Variants in ADAM23 observed in about 807,000 individuals in gnomAD.
The protein encoded by ADAM23 is disintegrin and metalloproteinase domain-containing protein 23.
In ADAM23, 33 loss-of-function variants were observed where a neutral mutation model predicts 120.1. The observed-to-expected ratio is 0.27, with a 90% CI of 0.21 to 0.37. The LOEUF (loss-of-function observed/expected upper bound fraction) is 0.37. ADAM23 is among the 10% of genes least tolerant of loss of function. The pLI is 1.00. For synonymous variants in ADAM23, 367 were observed against 375.2 expected (o/e 0.98, Z 0.25); for missense variants, 862 against 1,058.2 (o/e 0.81, Z 2.57).
intron 24 of ADAM23, among the ~76,000 whole-genome samples, chr2:206,600,886 A>AT (rs1019668369): frequency 5.3e-5 from 8 of 152,098 alleles, no homozygotes; most frequent in Admixed American, 3.9e-4. Flanking sequence ...CACATTATTT[A>AT]TTTTTTCTAC....
intron 2 of ADAM23, among the ~76,000 whole-genome samples, chr2:206,466,940 C>T (rs1033452066): frequency 3.3e-5 from 5 of 152,046 alleles, no homozygotes; most frequent in African/African-American, 9.7e-5. Flanking sequence ...GGAGTAGGAC[C>T]GAGATGGGGG....
chr2:206,459,394 A>G (rs576936944), intron 2 of ADAM23, among the ~76,000 whole-genome samples: 1 of 152,322 alleles, frequency 6.6e-6, no homozygotes, highest in African/African-American at 2.4e-5. Flanking sequence ...TTTAAGACCT[A>G]CTAATGCATT....
At chr2:206,540,875 T>C (rs1440734312) in intron 4 of ADAM23, among the ~76,000 whole-genome samples, 1 of 151,470 alleles carries the variant, frequency 6.6e-6, no homozygotes, top group Non-Finnish European at 1.5e-5. Context: ...AAAAAATGGA[T>C]AGGAGAGAAT....
intron 18 of ADAM23, among the ~76,000 whole-genome samples, chr2:206,575,066 G>A (rs1698085455): frequency 6.6e-6 from 1 of 152,096 alleles, no homozygotes; most frequent in Non-Finnish European, 1.5e-5. Flanking sequence ...AAAGAGTATA[G>A]GGTAGGATGT....
chr2:206,566,105 T>C (rs1697872522), intron 14 of ADAM23, among the ~76,000 whole-genome samples: 1 of 151,570 alleles, frequency 6.6e-6, no homozygotes, highest in Non-Finnish European at 1.5e-5. Flanking sequence ...CCTATAATAT[T>C]GGTTCTATAG....
chr2:206,560,098 T>C lies in ADAM23; in HGVS notation c.1149T>C (p.Ala383=), dbSNP rs1247478073. 1 of 1,614,002 alleles carries C rather than the reference T, an allele frequency of 6.2e-7. No individual in the cohort carries two copies. The highest frequency in any genetic ancestry group is 8.5e-7 in the Non-Finnish European group (1 of 1,179,890). ...SKYRQRIKQH[A]DAVHLISRVT... ...ACCGGCAGCGCATTAAGCAGCATGC[T>C]GATGCTGTGCACCTCATCTCGTACG... Residue 383 remains alanine (A), a synonymous_variant, in exon 11 of 26, where the codon GCT becomes GCC. Coordinates refer to ENST00000264377, the MANE Select transcript of ADAM23 (RefSeq NM_003812.4).
chr2:206,466,071 A>G (rs1048088399), intron 2 of ADAM23, among the ~76,000 whole-genome samples: 1 of 152,236 alleles, frequency 6.6e-6, no homozygotes, highest in Non-Finnish European at 1.5e-5. Flanking sequence ...ATGACAATGT[A>G]TATGATGATG....
At chr2:206,540,732 T>C (rs1459753286) in intron 4 of ADAM23, among the ~76,000 whole-genome samples, 1 of 151,696 alleles carries the variant, frequency 6.6e-6, no homozygotes, top group Non-Finnish European at 1.5e-5. Context: ...AATAAAAGCA[T>C]CTGAAAAAAG....
intron 3 of ADAM23, among the ~76,000 whole-genome samples, chr2:206,522,228 A>G (rs1363803105): frequency 1.3e-5 from 2 of 152,132 alleles, no homozygotes; most frequent in South Asian, 2.1e-4. Flanking sequence ...TGTTGTTGTT[A>G]GTAGAAACTT....
In ADAM23 at chr2:206,585,681, T is replaced by G. The variant is rs141386244; in HGVS notation, c.1738-1644T>G. Among the ~76,000 whole-genome samples the G allele has an allele frequency of 1.1e-3, 174 of 152,268 alleles. 1 individual carries two copies. The highest frequency in any genetic ancestry group is 3.8e-3 in the African/African-American group (160 of 41,566). Reference sequence around the variant, plus strand: ...TTGCACACCTGCCACATGCCTGGTGTTGTTGTAGGTACTAGGGCAGCAGTA... The same window carrying G: ...TTGCACACCTGCCACATGCCTGGTGGTGTTGTAGGTACTAGGGCAGCAGTA... On this transcript the variant is annotated intron_variant, in intron 18 of 25. Coordinates refer to ENST00000264377, the MANE Select transcript of ADAM23 (RefSeq NM_003812.4).
At chr2:206,488,033 G>T (rs1161181933) in intron 3 of ADAM23, among the ~76,000 whole-genome samples, 2 of 152,212 alleles carry the variant, frequency 1.3e-5, no homozygotes, top group Non-Finnish European at 2.9e-5. Flanking sequence ...AGAAAATGCT[G>T]ATTTAAAGAA....
chr2:206,506,528 A>T (rs75878999), intron 3 of ADAM23, among the ~76,000 whole-genome samples: 2 of 152,208 alleles, frequency 1.3e-5, no homozygotes, highest in African/African-American at 4.8e-5. Flanking sequence ...CCACCTACTC[A>T]CACTACAGGC....
chr2:206,607,983 C>T (rs1171961514), intron 24 of ADAM23: 1 of 451,478 alleles, frequency 2.2e-6, no homozygotes, highest in Non-Finnish European at 4.4e-6. Context: ...GGACGAAGTG[C>T]AAATCATATC....
chr2:206,617,217 CTTCATGGAAGAGGCCTTCCTGTAAT>C (rs1698950358), intron 25 of ADAM23, among the ~76,000 whole-genome samples: 1 of 152,088 alleles, frequency 6.6e-6, no homozygotes, highest in Admixed American at 6.5e-5. Flanking sequence ...CAATAGGCTC[CTTCATGGAAGAGGCCTTCCTGTAAT>C]AATTTTCACC....
intron 6 of ADAM23, among the ~76,000 whole-genome samples, chr2:206,545,000 C>G (rs974723364): frequency 5.3e-5 from 8 of 152,028 alleles, no homozygotes; most frequent in African/African-American, 1.9e-4. Flanking sequence ...TTTGAGGAAC[C>G]TGACAGGGTT....
chr2:206,486,043 G>A (rs770534525), intron 3 of ADAM23, among the ~76,000 whole-genome samples: 1 of 152,202 alleles, frequency 6.6e-6, no homozygotes, highest in East Asian at 1.9e-4. Flanking sequence ...GTGGGAGAAC[G>A]AGGAGACGAG....
chr2:206,564,890 C>T, intron 13 of ADAM23, 130 bp from the exon 14 acceptor site: 3 of 938,696 alleles, frequency 3.2e-6, no homozygotes, highest in Non-Finnish European at 4.9e-6. Flanking sequence ...TAAGACTTCA[C>T]ATTCCGTGTC....
chr2:206,445,188 A>C (rs1559209334), intron 1 of ADAM23, 119 bp from the exon 2 acceptor site: 10 of 725,356 alleles, frequency 1.4e-5, no homozygotes, highest in Non-Finnish European at 2.3e-5. Flanking sequence ...TAAATAGAAA[A>C]CTTTGTGTTT....
chr2:206,493,382 A>T (rs1202562146), intron 3 of ADAM23, among the ~76,000 whole-genome samples: 1 of 151,828 alleles, frequency 6.6e-6, no homozygotes, highest in South Asian at 2.1e-4. Flanking sequence ...TTATTTATTT[A>T]TTTTTTTGAG....
Sources: gnomAD v4.1 joint callset for allele counts (sites outside exome capture counted in the v4.1 genomes callset) on GRCh38, gnomAD v4.1.1 for gene constraint, MANE v1.5 for transcripts, NCBI Gene and HGNC (gene_info 2026-07-23, HGNC 2026-07-21) for gene names.